GABPB2: variants seen among roughly 807,000 people sequenced by gnomAD.
The protein encoded by GABPB2 is GA-binding protein subunit beta-2.
GABPB2 carries 23 observed loss-of-function variants against 39.1 expected under a neutral mutation model. The ratio of observed to expected loss-of-function variants is 0.59; its 90% CI spans 0.42 to 0.83. GABPB2 has a LOEUF of 0.83. GABPB2 is among the 40% of genes least tolerant of loss of function. GABPB2 has a pLI of 0.00. For missense variants in GABPB2, 467 were observed against 541.1 expected (o/e 0.86, Z 1.36); for synonymous variants, 184 against 199.3 (o/e 0.92, Z 0.65).
chr1:151,115,432 A>G (rs587720653), intron 7 of GABPB2, among the ~76,000 whole-genome samples: 1 of 145,688 alleles, frequency 6.9e-6, no homozygotes, highest in Non-Finnish European at 1.5e-5. Context: ...ATGGAGTCTC[A>G]CTCTGTCACC....
At chr1:151,076,865 C>G (rs1281436466) in intron 1 of GABPB2, among the ~76,000 whole-genome samples, 2 of 146,180 alleles carry the variant, frequency 1.4e-5, no homozygotes, top group Admixed American at 6.9e-5. Context: ...GCAATCTCGG[C>G]TCACTGCAAG....
At chr1:151,083,206 CA>C (rs1380217869) in intron 1 of GABPB2, among the ~76,000 whole-genome samples, 5 of 152,138 alleles carry the variant, frequency 3.3e-5, no homozygotes, top group Non-Finnish European at 7.3e-5. Context: ...CAAAAAATCA[CA>C]TTAATATTAC....
At chr1:151,116,783 A>AT (rs1256643643) in intron 7 of GABPB2, among the ~76,000 whole-genome samples, 4 of 151,192 alleles carry the variant, frequency 2.6e-5, no homozygotes, top group Non-Finnish European at 4.4e-5. Flanking sequence ...AATTTTTTGT[A>AT]TTTTTTTTGC....
chr1:151,105,218 A>C (rs1207603764), intron 6 of GABPB2, among the ~76,000 whole-genome samples: 1 of 151,676 alleles, frequency 6.6e-6, no homozygotes, highest in Non-Finnish European at 1.5e-5. Context: ...GTGACACTTT[A>C]GATAGAGACA....
At chr1:151,098,213 TTAAAAG>T in intron 5 of GABPB2, among the ~76,000 whole-genome samples, 1 of 152,238 alleles carries the variant, frequency 6.6e-6, no homozygotes, top group South Asian at 2.1e-4. Flanking sequence ...ACTTATTGTG[TTAAAAG>T]TAAAATATTC....
At chr1:151,109,366 T>A (rs867124187) in intron 7 of GABPB2, among the ~76,000 whole-genome samples, 4,661 of 79,130 alleles carry the variant, frequency 0.059, 229 homozygotes, top group African/African-American at 0.2. Flanking sequence ...ATATATATAT[T>A]TTTTTTTTTG....
In GABPB2 at chr1:151,121,276, A is replaced by G. The variant is rs1253342975; in HGVS notation, c.*3020A>G. Reference sequence around the variant, plus strand: ...GGTCTGTTACAGAGCTTTGTGCCTTATAGGGTGCTCAGTGTGTGTTGACAA... The same window carrying G: ...GGTCTGTTACAGAGCTTTGTGCCTTGTAGGGTGCTCAGTGTGTGTTGACAA... On this transcript the variant is annotated 3_prime_UTR_variant, in exon 9 of 9. Coordinates refer to ENST00000368918, the MANE Select transcript of GABPB2 (RefSeq NM_144618.3). The G allele has an allele frequency of 1.3e-5, 2 of 152,122 alleles. No individual in the cohort carries two copies. Among genetic ancestry groups the G allele is most frequent in the East Asian group, 1.9e-4 (1 of 5,198 alleles). 9.4% of individuals were successfully genotyped at this position (152,122 alleles called of 1,614,324 possible). A position where few individuals can be genotyped will look rare whatever the true frequency, so the allele number is the denominator to read the frequency against.
At chr1:151,104,238 G>A (rs587608078) in intron 6 of GABPB2, among the ~76,000 whole-genome samples, 3 of 152,308 alleles carry the variant, frequency 2.0e-5, no homozygotes, top group East Asian at 3.9e-4. Context: ...GCCAGAGCTA[G>A]TGGTCTGTGG....
chr1:151,090,729 G>A (rs1015196121), intron 3 of GABPB2, among the ~76,000 whole-genome samples, 156 bp downstream of exon 3: 8 of 151,882 alleles, frequency 5.3e-5, no homozygotes, highest in African/African-American at 1.7e-4. Flanking sequence ...TGGCAGGCCG[G>A]GTGCCTATAA....
chr1:151,072,091 CT>C (rs1471474920), intron 1 of GABPB2, among the ~76,000 whole-genome samples: 6 of 152,330 alleles, frequency 3.9e-5, no homozygotes. Context: ...TAGAGATGTT[CT>C]TAGGCATGTA....
At chr1:151,085,695 A>G (rs1396459888) in intron 1 of GABPB2, among the ~76,000 whole-genome samples, 1 of 151,928 alleles carries the variant, frequency 6.6e-6, no homozygotes, top group African/African-American at 2.4e-5. Flanking sequence ...CTCGTGATCT[A>G]CCCGCCTGGG....
At position 151,110,476 on chromosome 1, in the gene GABPB2, TTTTTTA is replaced by T. The variant is rs587709955; in HGVS notation, c.922+3266_922+3271del. 7.6e-3 allele frequency among the ~76,000 whole-genome samples: 1,155 copies of T among 152,148 alleles called. 12 individuals carry two copies. Among genetic ancestry groups the T allele is most frequent in the African/African-American group, 0.024 (1,001 of 41,520 alleles). On this transcript the variant is annotated intron_variant, in intron 7 of 8. Transcript: ENST00000368918. Reference sequence around the variant, plus strand: ...GTTTTACCTAAATAAACTATACTACTTTTTTATTTTTATTTTTTAAATTTATGTATT... The same window carrying T: ...GTTTTACCTAAATAAACTATACTACTTTTTTATTTTTTAAATTTATGTATT...
intron 5 of GABPB2, among the ~76,000 whole-genome samples, chr1:151,101,650 A>G (rs964869419): frequency 1.3e-5 from 2 of 152,146 alleles, no homozygotes; most frequent in South Asian, 2.1e-4. Flanking sequence ...TTCTACTTCT[A>G]TACTAACAAA....
chr1:151,090,257 T>A (rs1347524517), intron 2 of GABPB2, 149 bp from the exon 3 acceptor site: 1 of 738,778 alleles, frequency 1.4e-6, no homozygotes, highest in African/African-American at 1.8e-5. Flanking sequence ...GGCCTTTAAT[T>A]TGTAAATTTA....
chr1:151,114,291 C>T (rs1384981264), intron 7 of GABPB2, among the ~76,000 whole-genome samples: 1 of 151,906 alleles, frequency 6.6e-6, no homozygotes, highest in Non-Finnish European at 1.5e-5. Context: ...TGCAGTGAGA[C>T]ATAATTCTGC....
At chr1:151,070,967 G>C (rs1213136314) in intron 1 of GABPB2, 33 bp downstream of exon 1, 1 of 152,234 alleles carries the variant, frequency 6.6e-6, no homozygotes, top group Non-Finnish European at 1.5e-5. Context: ...GTGGACTCCG[G>C]GGGGCGTCAG....
At chr1:151,105,453 G>A (rs1189998418) in intron 6 of GABPB2, among the ~76,000 whole-genome samples, 1 of 147,598 alleles carries the variant, frequency 6.8e-6, no homozygotes, top group Admixed American at 6.8e-5. Context: ...ATATACAAAT[G>A]TATATATATT....
intron 1 of GABPB2, among the ~76,000 whole-genome samples, chr1:151,081,514 A>G (rs905743305): frequency 1.3e-5 from 2 of 152,190 alleles, no homozygotes; most frequent in East Asian, 1.9e-4. Flanking sequence ...GAAACAAAGA[A>G]ACAAACCGTA....
chr1:151,082,711 C>G (rs1160500834), intron 1 of GABPB2, among the ~76,000 whole-genome samples: 1 of 151,804 alleles, frequency 6.6e-6, no homozygotes, highest in African/African-American at 2.4e-5. Flanking sequence ...GCCAGGCCAA[C>G]AAATGGTAAT....
Sources: allele counts gnomAD v4.1 joint callset (sites outside exome capture counted in the v4.1 genomes callset), GRCh38; gene constraint gnomAD v4.1.1; transcripts MANE v1.5; gene names NCBI Gene and HGNC (gene_info 2026-07-23, HGNC 2026-07-21).